Variants in FBXO15 observed in about 807,000 individuals in gnomAD.
The protein encoded by FBXO15 is F-box protein 15, also known as F-box only protein 15.
In FBXO15, 30 loss-of-function variants were observed where a neutral mutation model predicts 49.5. The observed-to-expected ratio is 0.61, with a 90% CI of 0.45 to 0.82. FBXO15 has a LOEUF of 0.82. Among genes scored for constraint, FBXO15 ranks in the 40% least tolerant of loss-of-function variants. The probability of loss-of-function intolerance (pLI) is 0.00; values close to 1 mark genes in which losing one functional copy is unlikely to be tolerated. For synonymous variants in FBXO15, 250 were observed against 232.7 expected (o/e 1.07, Z -0.68); for missense variants, 591 against 631.5 (o/e 0.94, Z 0.69).
At chr18:74,136,781 G>GC (rs1181737798) in intron 2 of FBXO15, among the ~76,000 whole-genome samples, 1 of 152,130 alleles carries the variant, frequency 6.6e-6, no homozygotes, top group East Asian at 1.9e-4. Flanking sequence ...TCAGGAGTGC[G>GC]CCTCTGTGAA....
chr18:74,073,705 A>G lies in FBXO15; in HGVS notation c.1289T>C (p.Leu430Pro). ...IKSCSMMDVT[L>P]LDEHGKPFWC... is the part of the protein sequence containing the mutation. ...AAAGGGTTTCCCATGTTCATCCAAAAGAGTTACGTCCATCATGGAACAACT... is the reference window on the plus strand; with the variant it reads ...AAAGGGTTTCCCATGTTCATCCAAAGGAGTTACGTCCATCATGGAACAACT... Residue 430 changes from leucine (L) to proline (P), a missense_variant, in exon 10 of 10, where the codon CTT becomes CCT. Coordinates refer to ENST00000419743, the MANE Select transcript of FBXO15 (RefSeq NM_001142958.2). 1 of 1,613,894 alleles carries G rather than the reference A, an allele frequency of 6.2e-7. No individual in the cohort carries two copies. Among genetic ancestry groups the G allele is most frequent in the Non-Finnish European group, 8.5e-7 (1 of 1,179,874 alleles).
chr18:74,110,545 T>C (rs777043313), intron 8 of FBXO15, among the ~76,000 whole-genome samples: 1 of 151,930 alleles, frequency 6.6e-6, no homozygotes, highest in Non-Finnish European at 1.5e-5. Context: ...ATATGGTATA[T>C]ATCTCTCCAA....
intron 8 of FBXO15, among the ~76,000 whole-genome samples, chr18:74,112,575 G>A (rs891700866): frequency 2.0e-5 from 3 of 152,274 alleles, no homozygotes; most frequent in Middle Eastern, 3.4e-3. Context: ...TGAGAAACTC[G>A]AAACTTTCTC....
At chr18:74,126,905 G>A (rs187506746) in intron 5 of FBXO15, among the ~76,000 whole-genome samples, 3 of 152,384 alleles carry the variant, frequency 2.0e-5, no homozygotes, top group African/African-American at 7.2e-5. Context: ...TTCTTGTGCA[G>A]AGAACAACAA....
At position 74,118,404 on chromosome 18, in the gene FBXO15, A is replaced by T. The variant is rs1201394837; in HGVS notation, c.1138+4964T>A. Among the ~76,000 whole-genome samples the T allele has an allele frequency of 2.2e-5, 3 of 135,098 alleles. No individual in the cohort carries two copies. The South Asian group carries it at 6.6e-4, about 30-fold the overall frequency. 88.6% of individuals were successfully genotyped at this position (135,098 alleles called of 152,430 possible). A position where few individuals can be genotyped will look rare whatever the true frequency, so the allele number is the denominator to read the frequency against. On this transcript the variant is annotated intron_variant, in intron 8 of 9. Transcript: ENST00000419743. ...GATTTTATGACCTGCGTATATACAC[A>T]TATATACACATATATATATATATGT...
At chr18:74,135,726 C>A in intron 3 of FBXO15, 36 bp downstream of exon 3, 1 of 1,508,812 alleles carries the variant, frequency 6.6e-7, no homozygotes, top group South Asian at 1.2e-5. Context: ...ATCAAACTGT[C>A]ATCAAAACAT....
chr18:74,085,202 G>A (rs1912686001), intron 8 of FBXO15, among the ~76,000 whole-genome samples: 1 of 150,032 alleles, frequency 6.7e-6, no homozygotes, highest in South Asian at 2.1e-4. Context: ...AAAATGCTAT[G>A]GACCTAAAAT....
At chr18:74,134,853 C>T (rs1043214483) in intron 3 of FBXO15, among the ~76,000 whole-genome samples, 1 of 152,118 alleles carries the variant, frequency 6.6e-6, no homozygotes, top group Non-Finnish European at 1.5e-5. Flanking sequence ...AATATGACAG[C>T]TCTCATTCTG....
chr18:74,145,593 A>ATTTTTT (rs1568186088), intron 1 of FBXO15, among the ~76,000 whole-genome samples: 12 of 108,128 alleles, frequency 1.1e-4, no homozygotes, highest in East Asian at 2.7e-4. Flanking sequence ...AACCAACTGC[A>ATTTTTT]CTTTTTTTTT....
intron 8 of FBXO15, among the ~76,000 whole-genome samples, chr18:74,110,392 A>C (rs1204095794): frequency 6.6e-6 from 1 of 151,892 alleles, no homozygotes; most frequent in African/African-American, 2.4e-5. Context: ...TACAAGTTTA[A>C]AAAGAAGTAT....
intron 4 of FBXO15, among the ~76,000 whole-genome samples, chr18:74,129,907 T>C (rs1978318204): frequency 1.3e-5 from 2 of 152,224 alleles, no homozygotes; most frequent in Non-Finnish European, 2.9e-5. Context: ...CTATAGCAGA[T>C]AAGTAGGTTA....
intron 8 of FBXO15, among the ~76,000 whole-genome samples, chr18:74,110,630 GA>G (rs143786949): frequency 2.1e-5 from 3 of 141,236 alleles, no homozygotes; most frequent in African/African-American, 2.6e-5. Flanking sequence ...AGAGTTGGTA[GA>G]AAAAAAAAAC....
intron 9 of FBXO15, among the ~76,000 whole-genome samples, chr18:74,077,544 A>G (rs1209250116): frequency 6.6e-6 from 1 of 152,152 alleles, no homozygotes; most frequent in African/African-American, 2.4e-5. Flanking sequence ...GACCAGCCCC[A>G]CACAGCCTGT....
In FBXO15 at chr18:74,074,267, AC is replaced by A. The variant is rs1345473535; in HGVS notation, c.1264-538del. On this transcript the variant is annotated intron_variant, in intron 9 of 9. Transcript: ENST00000419743. This position sits in a 1 kb window ranked among gnomAD's most constrained non-coding sequence, Gnocchi z 4.7. ...ACATGTGCCAGCCTCCTGTCCACCC[AC>A]TCTCATTTCCAGGACTCTGGCACCA... Among the ~76,000 whole-genome samples, 1 of 151,530 alleles carries A rather than the reference AC, an allele frequency of 6.6e-6. No homozygotes were observed. The highest frequency in any genetic ancestry group is 2.4e-5 in the African/African-American group (1 of 41,200).
intron 1 of FBXO15, among the ~76,000 whole-genome samples, chr18:74,143,226 TCAGTAACAGC>T (rs1568184786): frequency 6.6e-6 from 1 of 152,202 alleles, no homozygotes; most frequent in Non-Finnish European, 1.5e-5. Context: ...CCTTACTGAA[TCAGTAACAGC>T]TTTTTGTCAT....
intron 3 of FBXO15, among the ~76,000 whole-genome samples, chr18:74,132,076 G>A (rs763962771): frequency 6.6e-6 from 1 of 152,122 alleles, no homozygotes. Flanking sequence ...TTCTCACTCT[G>A]CAAAATCACT....
At chr18:74,080,517 T>C (rs528126665) in intron 9 of FBXO15, among the ~76,000 whole-genome samples, 60 of 152,368 alleles carry the variant, frequency 3.9e-4, no homozygotes, top group African/African-American at 1.4e-3. Flanking sequence ...AAGCTGTTTT[T>C]CTAAACACCT....
intron 8 of FBXO15, among the ~76,000 whole-genome samples, chr18:74,121,705 T>C (rs1435706985): frequency 1.3e-5 from 2 of 152,130 alleles, no homozygotes; most frequent in Non-Finnish European, 2.9e-5. Context: ...AAGAAATGTC[T>C]ATAACTGACT....
chr18:74,078,066 C>T (rs1314989852), intron 9 of FBXO15, among the ~76,000 whole-genome samples: 1 of 152,066 alleles, frequency 6.6e-6, no homozygotes, highest in African/African-American at 2.4e-5. Flanking sequence ...GCCGGTGGGG[C>T]ACAAGGGCTC....
Sources: allele counts gnomAD v4.1 joint callset (sites outside exome capture counted in the v4.1 genomes callset), GRCh38; gene constraint gnomAD v4.1.1; non-coding constraint Gnocchi (gnomAD v3.1); transcripts MANE v1.5; gene names NCBI Gene and HGNC (gene_info 2026-07-23, HGNC 2026-07-21).